Variants in SSR1 observed in about 807,000 individuals in gnomAD.
SSR1 encodes translocon-associated protein subunit alpha.
Under a neutral mutation model 36.1 loss-of-function variants are expected in SSR1, and 13 were observed. The ratio of observed to expected loss-of-function variants is 0.36; its 90% CI spans 0.23 to 0.57. The LOEUF (loss-of-function observed/expected upper bound fraction) is 0.57. SSR1 is among the 20% of genes least tolerant of loss of function. SSR1 has a pLI of 0.81. For missense variants in SSR1, 291 were observed against 338.5 expected, an observed-to-expected ratio of 0.86 and a Z score of 1.10; for synonymous variants, 113 against 118.9, an observed-to-expected ratio of 0.95 and a Z score of 0.32.
intron 7 of SSR1, among the ~76,000 whole-genome samples, chr6:7,291,210 C>T (rs1186467677): frequency 6.6e-6 from 1 of 151,972 alleles, no homozygotes; most frequent in Non-Finnish European, 1.5e-5. Context: ...CCCAGCCTGG[C>T]CAACATGATG....
intron 3 of SSR1, among the ~76,000 whole-genome samples, chr6:7,302,128 C>T (rs554486434): frequency 6.6e-6 from 1 of 152,228 alleles, no homozygotes; most frequent in Non-Finnish European, 1.5e-5. Flanking sequence ...TAAAATTATA[C>T]TTCCTACAGG....
chr6:7,303,718 C>A, intron 2 of SSR1, 81 bp from the exon 3 acceptor site: 2 of 1,115,964 alleles, frequency 1.8e-6, no homozygotes, highest in Non-Finnish European at 2.6e-6. Flanking sequence ...TGGCCGGGCA[C>A]GGTGGCTCAC....
At position 7,313,170 on chromosome 6, in the gene SSR1, C is replaced by A; in HGVS notation, c.-50G>T. ...TTCCGTCGGCTAAGGCTCTCGGCGG[C>A]TCCGGCGGTAATGGCGTTACTCTTC... On this transcript the variant is annotated 5_prime_UTR_variant, in exon 1 of 8. Coordinates refer to ENST00000244763, the MANE Select transcript of SSR1 (RefSeq NM_003144.5). The A allele has an allele frequency of 6.5e-7, 1 of 1,532,140 alleles. No homozygotes were observed. The highest frequency in any genetic ancestry group is 1.2e-5 in the South Asian group (1 of 84,068). The allele number at this position is 1,532,140 out of a possible 1,614,324, so 94.9% of individuals were successfully genotyped here. A position where few individuals can be genotyped will look rare whatever the true frequency, so the allele number is the denominator to read the frequency against.
At chr6:7,299,309 C>T (rs1757873388) in intron 4 of SSR1, among the ~76,000 whole-genome samples, 4 of 152,204 alleles carry the variant, frequency 2.6e-5, no homozygotes, top group Admixed American at 2.6e-4. Flanking sequence ...CTGTTGTTTG[C>T]AATCCTTCAA....
intron 2 of SSR1, among the ~76,000 whole-genome samples, chr6:7,307,466 T>C (rs9502597): frequency 0.21 from 31,909 of 152,140 alleles, 3,644 homozygotes; most frequent in African/African-American, 0.3. Flanking sequence ...AATTAAGATA[T>C]GGAAAAGTTC....
chr6:7,312,664 AAC>A (rs1307511654), intron 1 of SSR1, among the ~76,000 whole-genome samples: 1 of 152,208 alleles, frequency 6.6e-6, no homozygotes, highest in Non-Finnish European at 1.5e-5. Context: ...GGCCAAAAGA[AAC>A]AGCCCGGCTG....
intron 6 of SSR1, among the ~76,000 whole-genome samples, chr6:7,296,244 A>T (rs1156454442): frequency 1.3e-5 from 2 of 152,226 alleles, no homozygotes; most frequent in Non-Finnish European, 2.9e-5. Flanking sequence ...GTTTATCTAC[A>T]TAAGAAACAG....
intron 6 of SSR1, among the ~76,000 whole-genome samples, chr6:7,297,649 C>CA (rs1669734687): frequency 6.6e-6 from 1 of 151,910 alleles, no homozygotes; most frequent in Admixed American, 6.6e-5. Context: ...CACTTGAGCC[C>CA]AGGAGGTTGA....
chr6:7,310,639 G>A (rs1396570310), intron 1 of SSR1, among the ~76,000 whole-genome samples: 2 of 152,162 alleles, frequency 1.3e-5, no homozygotes, highest in Non-Finnish European at 1.5e-5. Context: ...TGGCCGGCGC[G>A]GTGGCTCACG....
chr6:7,286,550 TTTAC>T lies in SSR1; in HGVS notation c.*3310_*3313del, dbSNP rs1454432325. Reference sequence around the variant, plus strand: ...TGGAGGTAAGAGCTCAAAGTAGAGTTTTACTTAAGAAAATTGGGGCAAACATTGA... The same window carrying T: ...TGGAGGTAAGAGCTCAAAGTAGAGTTTTAAGAAAATTGGGGCAAACATTGA... On this transcript the variant is annotated 3_prime_UTR_variant, in exon 8 of 8. Coordinates refer to ENST00000244763, the MANE Select transcript of SSR1 (RefSeq NM_003144.5). 6.6e-6 allele frequency: 1 copy of T among 152,192 alleles called. No individual in the cohort carries two copies. Among genetic ancestry groups the T allele is most frequent in the African/African-American group, 2.4e-5 (1 of 41,448 alleles). 9.4% of individuals were successfully genotyped at this position (152,192 alleles called of 1,614,324 possible). A position where few individuals can be genotyped will look rare whatever the true frequency, so the allele number is the denominator to read the frequency against.
chr6:7,297,941 T>C lies in SSR1; in HGVS notation c.681A>G (p.Gln227=), dbSNP rs1032529207. 9.3e-6 allele frequency: 15 copies of C among 1,613,100 alleles called. No homozygotes were observed. The African/African-American group carries it at 1.5e-4, about 16-fold the overall frequency. The part of the protein sequence containing the change: ...LGLLVIVGLH[Q]LLESRKRKRP... ...TAATTACCTTTCTAGATTCTAGGAG[T>C]TGATGAAGGCCAACAATAACCAGAA... The change falls in exon 6 of 8, where the codon CAA becomes CAG. Residue 227 remains glutamine, a synonymous_variant. Transcript: ENST00000244763.
At chr6:7,301,058 C>T (rs891565731) in intron 4 of SSR1, among the ~76,000 whole-genome samples, 1 of 152,206 alleles carries the variant, frequency 6.6e-6, no homozygotes, top group African/African-American at 2.4e-5. Flanking sequence ...TCCACTCCCA[C>T]ACAATAGCAC....
chr6:7,304,436 C>T (rs1033346297), intron 2 of SSR1, among the ~76,000 whole-genome samples: 2 of 152,036 alleles, frequency 1.3e-5, no homozygotes, highest in African/African-American at 4.8e-5. Context: ...CTCTCAAGTA[C>T]CTTGTTAACA....
chr6:7,295,254 T>C, intron 7 of SSR1, 138 bp downstream of exon 7: 1 of 1,076,300 alleles, frequency 9.3e-7, no homozygotes, highest in Non-Finnish European at 1.3e-6. Flanking sequence ...AATTAATCAC[T>C]ATACTAGATT....
Position 7,301,463 on chromosome 6 carries a change from G to A in SSR1, c.390C>T (p.Tyr130=). 6.8e-6 allele frequency: 11 copies of A among 1,614,112 alleles called. No homozygotes were observed. The highest frequency in any genetic ancestry group is 9.3e-6 in the Non-Finnish European group (11 of 1,180,028). The change falls in exon 4 of 8, where the codon TAC becomes TAT. Residue 130 remains tyrosine (Y), a synonymous_variant. Transcript: ENST00000244763. ...CTGTGAAATTCTGGATATAAAACTG[G>A]TAGTCCTGAGGATAACGGAATGAGG... The part of the protein sequence containing the change: ...LDASFRYPQD[Y]QFYIQNFTAL...
chr6:7,306,775 G>C (rs1239908959), intron 2 of SSR1, among the ~76,000 whole-genome samples: 1 of 151,862 alleles, frequency 6.6e-6, no homozygotes, highest in East Asian at 2.0e-4. Flanking sequence ...AATTAGCCGG[G>C]TGTGGTGGCG....
At chr6:7,312,850 G>A (rs1190883469) in intron 1 of SSR1, among the ~76,000 whole-genome samples, 192 bp downstream of exon 1, 2 of 152,228 alleles carry the variant, frequency 1.3e-5, no homozygotes, top group Non-Finnish European at 2.9e-5. Context: ...CAAGGGGCAG[G>A]CCGCAGCGGG....
At chr6:7,309,579 C>A (rs191145073) in intron 2 of SSR1, among the ~76,000 whole-genome samples, 3 of 152,326 alleles carry the variant, frequency 2.0e-5, no homozygotes, top group Non-Finnish European at 4.4e-5. Flanking sequence ...GTGGGAGGAA[C>A]CTGGTGGGAG....
chr6:7,312,648 G>C (rs1215791299), intron 1 of SSR1, among the ~76,000 whole-genome samples: 1 of 152,236 alleles, frequency 6.6e-6, no homozygotes, highest in Non-Finnish European at 1.5e-5. Context: ...GAGCGGAGCC[G>C]GAGGTGGCCA....
Sources: gnomAD v4.1 joint callset for allele counts (sites outside exome capture counted in the v4.1 genomes callset) on GRCh38, gnomAD v4.1.1 for gene constraint, MANE v1.5 for transcripts, NCBI Gene and HGNC (gene_info 2026-07-23, HGNC 2026-07-21) for gene names.